NEK5: variants seen among roughly 807,000 people sequenced by gnomAD.
The protein encoded by NEK5 is NIMA related kinase 5.
Under a neutral mutation model 109.2 loss-of-function variants are expected in NEK5, and 88 were observed. The observed-to-expected ratio is 0.81, with a 90% confidence interval of 0.68 to 0.96. NEK5 has a LOEUF of 0.96. NEK5 is among the 40% of genes least tolerant of loss of function. The probability of loss-of-function intolerance (pLI) is 0.00; values close to 1 mark genes in which losing one functional copy is unlikely to be tolerated. For synonymous variants in NEK5, 283 were observed against 299.9 expected (o/e 0.94, Z 0.58); for missense variants, 834 against 920.7 (o/e 0.91, Z 1.22).
chr13:52,085,822 T>G (rs2137890142), intron 16 of NEK5, among the ~76,000 whole-genome samples: 1 of 152,354 alleles, frequency 6.6e-6, no homozygotes, highest in South Asian at 2.1e-4. Context: ...TCAGTTCAAC[T>G]GCACTCAGAT....
chr13:52,076,957 T>C (rs1006021354), intron 17 of NEK5, among the ~76,000 whole-genome samples: 2 of 152,184 alleles, frequency 1.3e-5, no homozygotes, highest in African/African-American at 2.4e-5. Flanking sequence ...ACGAATGACA[T>C]AATTTCAGAA....
rs772760716 is a variant in NEK5 at position 52,071,976 on chromosome 13, T to C, written c.1817A>G (p.Lys606Arg). The C allele has an allele frequency of 6.8e-6, 11 of 1,612,772 alleles. No homozygotes were observed. The highest frequency in any genetic ancestry group is 1.3e-5 in the African/African-American group (1 of 74,900). ...TGGGCAGTGAAGTTTTTCAAATGCT[T>C]TGTCTGTATAATCTCCATGCTCCTT... ...CVKEHGDYTD[K>R]AFEKLHCPEA... Residue 606 changes from lysine to arginine, a missense_variant, in exon 20 of 24, where the codon AAA (lysine) becomes AGA (arginine). By Grantham distance (26) the Lys-to-Arg change is conservative. Coordinates refer to ENST00000684899, the MANE Select transcript of NEK5 (RefSeq NM_001365552.1).
intron 23 of NEK5, among the ~76,000 whole-genome samples, chr13:52,039,953 G>T (rs575863050): frequency 6.6e-6 from 1 of 152,104 alleles, no homozygotes; most frequent in South Asian, 2.1e-4. Flanking sequence ...CTCATGAGTG[G>T]GATCAGTGCC....
In NEK5 at chr13:52,129,066, G is replaced by A. The variant is rs1274174950; in HGVS notation, c.-128C>T. Reference sequence around the variant, plus strand: ...CTCCGCGGGGCCAACGAAGCGTCCCGGAAGGATCCGGGTTCCCGGGGCCGC... The same window carrying A: ...CTCCGCGGGGCCAACGAAGCGTCCCAGAAGGATCCGGGTTCCCGGGGCCGC... On this transcript the variant is annotated 5_prime_UTR_variant, in exon 1 of 24. Transcript: ENST00000684899. The A allele has an allele frequency of 1.3e-5, 2 of 152,366 alleles. No individual in the cohort carries two copies. Among genetic ancestry groups the A allele is most frequent in the Admixed American group, 6.5e-5 (1 of 15,290 alleles). The allele number at this position is 152,366 out of a possible 1,614,324, so 9.4% of individuals were successfully genotyped here.
Position 52,071,995 on chromosome 13 carries a change from G to GCTTATACAGTATGAAT in NEK5, c.1797_1798insATTCATACTGTATAAG (p.His600IlefsTer5). The stretch of plus-strand genomic sequence containing the variant: ...AATGCTTTGTCTGTATAATCTCCAT[G>GCTTATACAGTATGAAT]CTCCTTTACACATTCATATTCCTTA... On this transcript the variant is annotated stop_gained and frameshift_variant, in exon 20 of 24. Coordinates refer to ENST00000684899, the MANE Select transcript of NEK5 (RefSeq NM_001365552.1). LOFTEE classifies it high-confidence loss of function. 1 of 1,610,344 alleles carries GCTTATACAGTATGAAT rather than the reference G, an allele frequency of 6.2e-7. No individual in the cohort carries two copies. Among genetic ancestry groups the GCTTATACAGTATGAAT allele is most frequent in the Non-Finnish European group, 8.5e-7 (1 of 1,176,608 alleles).
At chr13:52,043,705 C>T (rs952224538) in intron 23 of NEK5, among the ~76,000 whole-genome samples, 1 of 152,000 alleles carries the variant, frequency 6.6e-6, no homozygotes. Context: ...GAACTAGTAG[C>T]AAAGATATAT....
At chr13:52,082,150 T>G (rs985350285) in intron 17 of NEK5, 6 of 256,546 alleles carry the variant, frequency 2.3e-5, no homozygotes, top group African/African-American at 1.4e-4. Flanking sequence ...ACCCTGTCTC[T>G]ACTAAAATAC....
In NEK5 at chr13:52,065,513, A is replaced by G. The variant is rs1954673396; in HGVS notation, c.1946T>C (p.Ile649Thr). ...AGGCCCCGTGGGGCAGGTGGAGGTG[A>G]TGTCGGCCACTGCCATCATCTGCAG... ...TLLQMMAVAD[I>T]TSTCPTGPDN... Residue 649 changes from isoleucine to threonine, a missense_variant, in exon 21 of 24, where the codon ATC becomes ACC. Around this residue, in one of 2 missense-constraint regions of NEK5, gnomAD observed 777 missense variants for 824.7 expected, o/e 0.94. Coordinates refer to ENST00000684899, the MANE Select transcript of NEK5 (RefSeq NM_001365552.1). 2.5e-6 allele frequency: 4 copies of G among 1,613,714 alleles called. No homozygotes were observed. The highest frequency in any genetic ancestry group is 3.4e-6 in the Non-Finnish European group (4 of 1,179,714).
chr13:52,062,933 T>A (rs1954625429), intron 21 of NEK5, among the ~76,000 whole-genome samples: 1 of 151,962 alleles, frequency 6.6e-6, no homozygotes, highest in African/African-American at 2.4e-5. Context: ...GAAAAAAAAA[T>A]GACCCGACAA....
At chr13:52,053,517 C>A (rs1363385345) in intron 22 of NEK5, among the ~76,000 whole-genome samples, 2 of 152,050 alleles carry the variant, frequency 1.3e-5, no homozygotes, top group Non-Finnish European at 2.9e-5. Flanking sequence ...TTTCTTTCCA[C>A]CAAGCACTCC....
intron 13 of NEK5, among the ~76,000 whole-genome samples, chr13:52,092,195 G>A (rs548719932): frequency 2.0e-5 from 3 of 151,922 alleles, no homozygotes; most frequent in African/African-American, 7.2e-5. Context: ...CTTATCAATT[G>A]TAATAATCTA....
chr13:52,089,715 T>C (rs1457404717), intron 13 of NEK5, among the ~76,000 whole-genome samples: 1 of 152,096 alleles, frequency 6.6e-6, no homozygotes, highest in Non-Finnish European at 1.5e-5. Flanking sequence ...TGGCTAGATG[T>C]GGTGGCTCAC....
At chr13:52,119,182 G>A in intron 4 of NEK5, 137 bp downstream of exon 4, 1 of 435,274 alleles carries the variant, frequency 2.3e-6, no homozygotes, top group Non-Finnish European at 4.1e-6. Flanking sequence ...GACGTCTCAA[G>A]CTGCAATTTA....
At chr13:52,051,747 AT>A (rs1954507941) in intron 22 of NEK5, among the ~76,000 whole-genome samples, 1 of 152,216 alleles carries the variant, frequency 6.6e-6, no homozygotes, top group Admixed American at 6.5e-5. Context: ...CTCCCATTTT[AT>A]TCCTAAATAA....
intron 5 of NEK5, among the ~76,000 whole-genome samples, chr13:52,111,007 G>A (rs1955748654): frequency 6.6e-6 from 1 of 152,092 alleles, no homozygotes; most frequent in South Asian, 2.1e-4. Context: ...GACAAGGGTG[G>A]GGAGAGAAAG....
intron 11 of NEK5, among the ~76,000 whole-genome samples, chr13:52,101,136 C>T (rs904356818): frequency 6.6e-6 from 1 of 152,184 alleles, no homozygotes; most frequent in African/African-American, 2.4e-5. Context: ...CGGTGGCTCA[C>T]GCCTGTAATC....
intron 23 of NEK5, among the ~76,000 whole-genome samples, chr13:52,043,614 C>T (rs1241960030): frequency 1.3e-5 from 2 of 150,480 alleles, no homozygotes; most frequent in Admixed American, 6.6e-5. Flanking sequence ...CAGAAATTTC[C>T]AACTTGAATC....
chr13:52,086,735 G>A (rs1955151200), intron 15 of NEK5, among the ~76,000 whole-genome samples: 2 of 152,186 alleles, frequency 1.3e-5, no homozygotes, highest in African/African-American at 4.8e-5. Context: ...CAGGGTCGCT[G>A]CAGATGAGAC....
intron 23 of NEK5, among the ~76,000 whole-genome samples, chr13:52,041,728 CAA>C (rs60216367): frequency 0.07 from 3,348 of 47,680 alleles, 19 homozygotes; most frequent in South Asian, 0.18. Context: ...AACTCTGTCT[CAA>C]AAAAAAAAAA....
Sources: gnomAD v4.1 joint callset for allele counts (sites outside exome capture counted in the v4.1 genomes callset) on GRCh38, gnomAD v4.1.1 for gene constraint, gnomAD v4.1.1 regional missense constraint, MANE v1.5 for transcripts, NCBI Gene and HGNC (gene_info 2026-07-23, HGNC 2026-07-21) for gene names.